KIF26B: variants seen among roughly 807,000 people sequenced by gnomAD.
The protein encoded by KIF26B is kinesin family member 26B, also known as kinesin-like protein KIF26B.
In KIF26B, 63 loss-of-function variants were observed where a neutral mutation model predicts 151.2. The observed-to-expected ratio is 0.42, with a 90% confidence interval of 0.34 to 0.51. The LOEUF (loss-of-function observed/expected upper bound fraction) is 0.51. Among genes scored for constraint, KIF26B ranks in the 20% least tolerant of loss-of-function variants. The pLI, the probability that KIF26B is intolerant of heterozygous loss-of-function variation, is 0.07. For missense variants in KIF26B, 2,813 were observed against 2,913.6 expected, an observed-to-expected ratio of 0.97 and a Z score of 0.79; for synonymous variants, 1,357 against 1,262.1, an observed-to-expected ratio of 1.08 and a Z score of -1.59.
intron 2 of KIF26B, among the ~76,000 whole-genome samples, chr1:245,343,292 T>C (rs960595114): frequency 2.0e-5 from 3 of 152,094 alleles, no homozygotes; most frequent in African/African-American, 7.2e-5. Flanking sequence ...TCATGTGAGA[T>C]TTCAGATCAG....
At chr1:245,260,634 C>T (rs1670616782) in intron 2 of KIF26B, among the ~76,000 whole-genome samples, 1 of 152,194 alleles carries the variant, frequency 6.6e-6, no homozygotes, top group South Asian at 2.1e-4. Context: ...GTGGAATTTC[C>T]TTCCTTTGAC....
At chr1:245,236,467 T>G (rs1000230198) in intron 2 of KIF26B, among the ~76,000 whole-genome samples, 1 of 152,208 alleles carries the variant, frequency 6.6e-6, no homozygotes, top group African/African-American at 2.4e-5. Context: ...TGGGACGTAA[T>G]TGACAATCAA....
At chr1:245,365,075 A>G (rs1484100132) in intron 2 of KIF26B, among the ~76,000 whole-genome samples, 1 of 152,174 alleles carries the variant, frequency 6.6e-6, no homozygotes, top group East Asian at 1.9e-4. Flanking sequence ...CCACGCTTTT[A>G]ACCCTCTGGG....
rs141698408 is a variant in KIF26B at position 245,581,926 on chromosome 1, G to GAGGAAGGAAGGAAGGAAGGAAGGAAGGA, written c.1351-20641_1351-20614dup. Among the ~76,000 whole-genome samples, 290 of 142,366 alleles carry GAGGAAGGAAGGAAGGAAGGAAGGAAGGA rather than the reference G, an allele frequency of 2.0e-3. 1 individual carries two copies. Among genetic ancestry groups the GAGGAAGGAAGGAAGGAAGGAAGGAAGGA allele is most frequent in the East Asian group, 0.013 (63 of 4,780 alleles). 93.4% of individuals were successfully genotyped at this position (142,366 alleles called of 152,430 possible). A position where few individuals can be genotyped will look rare whatever the true frequency, so the allele number is the denominator to read the frequency against. On this transcript the variant is annotated intron_variant, in intron 5 of 14. Coordinates refer to ENST00000407071, the MANE Select transcript of KIF26B (RefSeq NM_018012.4). ...AGAGAGACCCTGTCAAAGAGAGAAA[G>GAGGAAGGAAGGAAGGAAGGAAGGAAGGA]AGGAAGGAAGGAAGGAAGGAAGGAA... is the stretch of plus-strand genomic sequence containing the variant.
chr1:245,267,265 G>A (rs537573516), intron 2 of KIF26B, among the ~76,000 whole-genome samples: 2 of 152,328 alleles, frequency 1.3e-5, no homozygotes, highest in African/African-American at 4.8e-5. Context: ...ACACAAGAAT[G>A]TGTGCAGCTG....
intron 3 of KIF26B, among the ~76,000 whole-genome samples, chr1:245,409,980 C>A (rs1674235885): frequency 6.6e-6 from 1 of 152,204 alleles, no homozygotes; most frequent in Non-Finnish European, 1.5e-5. Context: ...TGGAATACTA[C>A]ATTATGGAAG....
intron 4 of KIF26B, among the ~76,000 whole-genome samples, chr1:245,473,066 A>G (rs907159832): frequency 4.6e-5 from 7 of 152,250 alleles, no homozygotes; most frequent in African/African-American, 1.7e-4. Context: ...TATTTAGGGA[A>G]AATGAACAAT....
intron 4 of KIF26B, among the ~76,000 whole-genome samples, chr1:245,462,176 G>A (rs1659662342): frequency 6.6e-6 from 1 of 152,140 alleles, no homozygotes; most frequent in South Asian, 2.1e-4. Flanking sequence ...TGTAAGTTTA[G>A]GCATCTTGAA....
At chr1:245,497,898 C>A (rs1287190289) in intron 4 of KIF26B, among the ~76,000 whole-genome samples, 2 of 152,200 alleles carry the variant, frequency 1.3e-5, no homozygotes, top group African/African-American at 2.4e-5. Flanking sequence ...CATGTGCCAC[C>A]ACACCCAGCT....
intron 2 of KIF26B, among the ~76,000 whole-genome samples, chr1:245,225,570 C>G (rs1469957889): frequency 2.6e-5 from 4 of 152,186 alleles, no homozygotes; most frequent in African/African-American, 9.6e-5. Flanking sequence ...GACTCCTTTT[C>G]TGTGGGGCTA....
intron 2 of KIF26B, among the ~76,000 whole-genome samples, chr1:245,262,986 A>G (rs1361141912): frequency 6.6e-6 from 1 of 152,234 alleles, no homozygotes; most frequent in Non-Finnish European, 1.5e-5. Context: ...CCTGGCACAT[A>G]AGAAAAATTC....
intron 5 of KIF26B, among the ~76,000 whole-genome samples, chr1:245,562,587 C>T (rs975035053): frequency 2.0e-5 from 3 of 147,660 alleles, no homozygotes; most frequent in Non-Finnish European, 4.4e-5. Context: ...GGCCAAGCCC[C>T]GCCCCCCCCT....
chr1:245,591,846 G>A (rs557064121), intron 5 of KIF26B, among the ~76,000 whole-genome samples: 1 of 152,118 alleles, frequency 6.6e-6, no homozygotes, highest in African/African-American at 2.4e-5. Context: ...CTTGCAGCCT[G>A]GCCAGCCCTG....
At chr1:245,494,524 A>G (rs1014680035) in intron 4 of KIF26B, among the ~76,000 whole-genome samples, 1 of 152,158 alleles carries the variant, frequency 6.6e-6, no homozygotes, top group Non-Finnish European at 1.5e-5. Flanking sequence ...GCGAACGATC[A>G]CTGAAGAAAG....
chr1:245,299,328 T>G (rs1451492139), intron 2 of KIF26B, among the ~76,000 whole-genome samples: 4 of 150,048 alleles, frequency 2.7e-5, no homozygotes, highest in East Asian at 1.9e-4. Flanking sequence ...GGGTTTTTTT[T>G]TTTTTTTTTT....
chr1:245,664,543 TTAATTA>T (rs2147936299), intron 10 of KIF26B, among the ~76,000 whole-genome samples: 1 of 152,196 alleles, frequency 6.6e-6, no homozygotes, highest in East Asian at 1.9e-4. Flanking sequence ...AAAGGGACAC[TTAATTA>T]TTATTATTTC....
At chr1:245,414,479 A>G (rs548326623) in intron 3 of KIF26B, among the ~76,000 whole-genome samples, 1 of 152,320 alleles carries the variant, frequency 6.6e-6, no homozygotes, top group South Asian at 2.1e-4. Flanking sequence ...TGTTGGTCTG[A>G]GCAGGGCTGA....
At chr1:245,622,799 C>T (rs768169426) in intron 9 of KIF26B, among the ~76,000 whole-genome samples, 14 of 152,076 alleles carry the variant, frequency 9.2e-5, no homozygotes, top group African/African-American at 2.4e-4. Context: ...AGCAGCATTC[C>T]GCTGCTGCCT....
intron 2 of KIF26B, among the ~76,000 whole-genome samples, chr1:245,348,245 G>C (rs1157058352): frequency 2.0e-5 from 3 of 152,138 alleles, no homozygotes; most frequent in Non-Finnish European, 4.4e-5. Flanking sequence ...TGCTCTGCCT[G>C]CACTGACTCC....
Sources: gnomAD v4.1 joint callset for allele counts (sites outside exome capture counted in the v4.1 genomes callset) on GRCh38, gnomAD v4.1.1 for gene constraint, MANE v1.5 for transcripts, NCBI Gene and HGNC (gene_info 2026-07-23, HGNC 2026-07-21) for gene names.